Variants in IDNK observed in about 807,000 individuals in gnomAD.
The protein encoded by IDNK is IDNK gluconokinase, also known as gluconokinase.
IDNK carries 9 observed loss-of-function variants against 13.0 expected under a neutral mutation model. The observed-to-expected ratio is 0.69, with a 90% CI of 0.42 to 1.21. The LOEUF is 1.21. Ranked by LOEUF, IDNK falls within the 50% of genes most tolerant of loss-of-function variation. IDNK has a pLI of 0.00. For synonymous variants in IDNK, 92 were observed against 94.9 expected, an observed-to-expected ratio of 0.97 and a Z score of 0.18; for missense variants, 210 against 237.8, an observed-to-expected ratio of 0.88 and a Z score of 0.77.
At chr9:83,624,683 G>T (rs2131615231) in intron 1 of IDNK, among the ~76,000 whole-genome samples, 1 of 151,154 alleles carries the variant, frequency 6.6e-6, no homozygotes. Context: ...CAGGTGCAAT[G>T]GTTCTGAGGC....
intron 3 of IDNK, among the ~76,000 whole-genome samples, chr9:83,636,220 T>G (rs1831163328): frequency 6.6e-6 from 1 of 152,160 alleles, no homozygotes; most frequent in South Asian, 2.1e-4. Context: ...TCTAGGGTAT[T>G]GGACCAAAAG....
At chr9:83,624,963 T>A (rs1484328566) in intron 1 of IDNK, among the ~76,000 whole-genome samples, 1 of 152,004 alleles carries the variant, frequency 6.6e-6, no homozygotes, top group Non-Finnish European at 1.5e-5. Flanking sequence ...GATCCATGCG[T>A]CTCAGCCTCC....
rs1587626309 is a variant in IDNK at position 83,643,849 on chromosome 9, C to T, written c.*69C>T. The T allele has an allele frequency of 8.4e-7, 1 of 1,185,824 alleles. No homozygotes were observed. Among genetic ancestry groups the T allele is most frequent in the East Asian group, 2.4e-5 (1 of 42,108 alleles). 73.5% of individuals were successfully genotyped at this position (1,185,824 alleles called of 1,614,324 possible). On this transcript the variant is annotated 3_prime_UTR_variant, in exon 5 of 5. Coordinates refer to ENST00000376419, the MANE Select transcript of IDNK (RefSeq NM_001001551.4). The stretch of plus-strand genomic sequence containing the variant: ...CATTGTGCCATCCCAAACCTCGTTC[C>T]AGCCGCCTTGCCCATACTAGATTCT...
chr9:83,626,659 C>T (rs768749209), intron 1 of IDNK: 8 of 1,234,894 alleles, frequency 6.5e-6, no homozygotes, highest in Admixed American at 4.8e-5. Flanking sequence ...TCAAGTGATC[C>T]GCCTGCCTCA....
At chr9:83,629,577 A>T (rs1352818999) in intron 3 of IDNK, among the ~76,000 whole-genome samples, 2 of 152,116 alleles carry the variant, frequency 1.3e-5, no homozygotes, top group Non-Finnish European at 2.9e-5. Flanking sequence ...GGGCCTTTGT[A>T]TCCCTGTTCC....
In IDNK at chr9:83,641,532, T is replaced by G; in HGVS notation, c.169-16T>G. Reference sequence around the variant, plus strand: ...AAGTCACGTTGTGTCTGGGTTTTTGTTTTTGTTTTTTTCAGGACCGGATTC... The same window carrying G: ...AAGTCACGTTGTGTCTGGGTTTTTGGTTTTGTTTTTTTCAGGACCGGATTC... On this transcript the variant is annotated splice_polypyrimidine_tract_variant and intron_variant, in intron 3 of 4. Transcript: ENST00000376419. 1 of 1,613,936 alleles carries G rather than the reference T, an allele frequency of 6.2e-7. No homozygotes were observed. Among genetic ancestry groups the G allele is most frequent in the Non-Finnish European group, 8.5e-7 (1 of 1,179,980 alleles).
chr9:83,633,738 G>A (rs963820352), intron 3 of IDNK, among the ~76,000 whole-genome samples: 3 of 152,186 alleles, frequency 2.0e-5, no homozygotes, highest in African/African-American at 7.2e-5. Flanking sequence ...ACAAAGAGAG[G>A]TGCAGAGAAA....
chr9:83,638,172 C>A, intron 3 of IDNK, among the ~76,000 whole-genome samples: 1 of 151,648 alleles, frequency 6.6e-6, no homozygotes. Flanking sequence ...GAAAATGGAC[C>A]ACTATGAGAG....
intron 1 of IDNK, chr9:83,626,455 C>T (rs1201642506): frequency 3.1e-6 from 1 of 318,664 alleles, no homozygotes; most frequent in Non-Finnish European, 6.2e-6. Context: ...CTCACTCTGT[C>T]GCCCAGGCTG....
chr9:83,631,451 G>GAAAAAAAAAAA (rs57832482), intron 3 of IDNK, among the ~76,000 whole-genome samples: 1,462 of 56,798 alleles, frequency 0.026, 243 homozygotes, highest in African/African-American at 0.055. Context: ...TACAAAAACT[G>GAAAAAAAAAAA]AAAAAAAAAA....
intron 2 of IDNK, among the ~76,000 whole-genome samples, 175 bp from the exon 3 acceptor site, chr9:83,628,698 T>A (rs946856606): frequency 2.7e-5 from 4 of 150,770 alleles, no homozygotes; most frequent in African/African-American, 9.8e-5. Flanking sequence ...GGTAGCCCAG[T>A]CATGGGGGTT....
Position 83,641,594 on chromosome 9 carries a change from A to T in IDNK, c.212+3A>T. On this transcript the variant is annotated splice_donor_region_variant and intron_variant, in intron 4 of 4. Coordinates refer to ENST00000376419, the MANE Select transcript of IDNK (RefSeq NM_001001551.4). ...AACTTGCATGACATTTTACTAAGGT[A>T]AGAGACCACCAGGCCTTGGCATAAG... The T allele has an allele frequency of 6.2e-6, 10 of 1,614,116 alleles. No homozygotes were observed. Among genetic ancestry groups the T allele is most frequent in the Non-Finnish European group, 7.6e-6 (9 of 1,180,012 alleles).
chr9:83,643,725 A>G lies in IDNK; in HGVS notation c.509A>G (p.Asp170Gly). ...GAAAACTTTATCCAAATAAGTGTGGACAAAAATGTTTCAGAGATAATTGCT... is the reference window on the plus strand; with the variant it reads ...GAAAACTTTATCCAAATAAGTGTGGGCAAAAATGTTTCAGAGATAATTGCT... ...APENFIQISV[D>G]KNVSEIIATI... Residue 170 changes from aspartate to glycine, a missense_variant, in exon 5 of 5, where the codon GAC becomes GGC. By Grantham distance (94) the Asp-to-Gly change is moderately conservative. Transcript: ENST00000376419. The G allele has an allele frequency of 1.2e-6, 2 of 1,613,398 alleles. No homozygotes were observed. Among genetic ancestry groups the G allele is most frequent in the East Asian group, 2.2e-5 (1 of 44,876 alleles).
chr9:83,630,267 A>G (rs1418681012), intron 3 of IDNK, among the ~76,000 whole-genome samples: 1 of 152,212 alleles, frequency 6.6e-6, no homozygotes, highest in African/African-American at 2.4e-5. Flanking sequence ...ACAGGTTTGC[A>G]ACATTTGATT....
chr9:83,641,804 G>C (rs892067330), intron 4 of IDNK, among the ~76,000 whole-genome samples: 1 of 152,214 alleles, frequency 6.6e-6, no homozygotes, highest in African/African-American at 2.4e-5. Flanking sequence ...AAACCTTCTA[G>C]ACAGCTCCAC....
intron 1 of IDNK, among the ~76,000 whole-genome samples, chr9:83,623,797 AAGAAG>A (rs1430356557): frequency 5.9e-5 from 9 of 152,348 alleles, no homozygotes; most frequent in East Asian, 5.8e-4. Flanking sequence ...TTTGGAAAGA[AAGAAG>A]AGAATTGTGG....
At chr9:83,628,274 C>A in intron 2 of IDNK, 63 bp downstream of exon 2, 2 of 1,382,308 alleles carry the variant, frequency 1.4e-6, no homozygotes, top group Non-Finnish European at 1.0e-6. Flanking sequence ...CTCCTTGCAT[C>A]TCTGCCTTTT....
chr9:83,632,176 A>G (rs1389155669), intron 3 of IDNK, among the ~76,000 whole-genome samples: 1 of 148,974 alleles, frequency 6.7e-6, no homozygotes, highest in Non-Finnish European at 1.5e-5. Flanking sequence ...CTTTTGCATC[A>G]GGTAAAACAC....
intron 3 of IDNK, among the ~76,000 whole-genome samples, chr9:83,640,260 T>C (rs538686849): frequency 1.4e-4 from 21 of 152,288 alleles, no homozygotes; most frequent in Admixed American, 4.6e-4. Context: ...TACAAGCTGT[T>C]TGAAAGAACA....
Sources: gnomAD v4.1 joint callset for allele counts (sites outside exome capture counted in the v4.1 genomes callset) on GRCh38, gnomAD v4.1.1 for gene constraint, MANE v1.5 for transcripts, NCBI Gene and HGNC (gene_info 2026-07-23, HGNC 2026-07-21) for gene names.